MMD2: variants seen among roughly 807,000 people sequenced by gnomAD.
MMD2 encodes monocyte to macrophage differentiation associated 2, also known as monocyte to macrophage differentiation factor 2.
MMD2 carries 30 observed loss-of-function variants against 33.5 expected under a neutral mutation model. The observed-to-expected ratio is 0.90, with a 90% confidence interval of 0.67 to 1.22. The LOEUF (loss-of-function observed/expected upper bound fraction) is 1.22, where lower values mean the gene tolerates loss of function less well. Ranked by LOEUF, MMD2 falls within the 50% of genes most tolerant of loss-of-function variation. The pLI is 0.00. For synonymous variants in MMD2, 129 were observed against 123.0 expected (o/e 1.05, Z -0.32); for missense variants, 364 against 325.4 (o/e 1.12, Z -0.91).
intron 4 of MMD2, among the ~76,000 whole-genome samples, chr7:4,912,120 T>A (rs573785792): frequency 6.6e-6 from 1 of 151,604 alleles, no homozygotes; most frequent in African/African-American, 2.4e-5. Flanking sequence ...AAATTAAAAA[T>A]AATAATAATT....
chr7:4,897,056 C>T, the MMD2 span, among the ~76,000 whole-genome samples: 3 of 151,786 alleles, frequency 2.0e-5, no homozygotes, highest in African/African-American at 7.3e-5. Flanking sequence ...GACGGGGTTT[C>T]GCCATGTTGA....
chr7:4,899,278 C>G, the MMD2 span, among the ~76,000 whole-genome samples: 3 of 152,246 alleles, frequency 2.0e-5, no homozygotes, highest in African/African-American at 7.2e-5. Flanking sequence ...TTTGTTATAG[C>G]AGCCAAAATA....
Position 4,948,716 on chromosome 7 carries a change from G to A in MMD2, c.47+10255C>T, listed in dbSNP as rs144976090. 2.1e-4 allele frequency among the ~76,000 whole-genome samples: 32 copies of A among 152,274 alleles called. No homozygotes were observed. In the East Asian group the frequency reaches 6.2e-3, roughly 29 times the overall value. On this transcript the variant is annotated intron_variant, in intron 1 of 6. Transcript: ENST00000401401. ...ATAAGAAGTCTGCCATCTACCACCTGGGAACAAATCTGACTGTGCTGACAC... is the reference window on the plus strand; with the variant it reads ...ATAAGAAGTCTGCCATCTACCACCTAGGAACAAATCTGACTGTGCTGACAC...
rs779779892 is a variant in MMD2, at chr7:4,920,161, C to T, written c.290+10G>A. 7.7e-6 allele frequency: 12 copies of T among 1,554,904 alleles called. No homozygotes were observed. The highest frequency in any genetic ancestry group is 2.0e-5 in the Admixed American group (1 of 51,244). ...CTACCCGGCATGGGTCCCCTCTGGGCGGGAGGCACCTGAGGTGGCTCTTCT... is the reference window on the plus strand; with the variant it reads ...CTACCCGGCATGGGTCCCCTCTGGGTGGGAGGCACCTGAGGTGGCTCTTCT... On this transcript the variant is annotated intron_variant, in intron 3 of 6. Transcript: ENST00000401401.
At chr7:4,897,003 G>A in the MMD2 span, among the ~76,000 whole-genome samples, 6 of 152,002 alleles carry the variant, frequency 3.9e-5, no homozygotes, top group African/African-American at 1.4e-4. Flanking sequence ...GGGATTACAG[G>A]CACCCACAAC....
At chr7:4,936,439 A>C (rs1785743737) in intron 1 of MMD2, among the ~76,000 whole-genome samples, 1 of 152,036 alleles carries the variant, frequency 6.6e-6, no homozygotes, top group Admixed American at 6.6e-5. Context: ...TATTTTTTTA[A>C]TTTTTAGGAT....
chr7:4,915,923 T>C (rs955777856), intron 4 of MMD2, 82 bp downstream of exon 4: 32 of 1,427,328 alleles, frequency 2.2e-5, no homozygotes, highest in Non-Finnish European at 2.5e-5. Context: ...GTCAACACAT[T>C]ACCCAGCCAA....
At chr7:4,893,364 T>TTTTATTTATTTATTTA in the MMD2 span, among the ~76,000 whole-genome samples, 17 of 142,978 alleles carry the variant, frequency 1.2e-4, no homozygotes, top group South Asian at 2.3e-4. Context: ...TGGTTATTTC[T>TTTTATTTATTTATTTA]TTTATTTATT....
At chr7:4,936,214 TA>T (rs1554272450) in intron 1 of MMD2, among the ~76,000 whole-genome samples, 1 of 148,004 alleles carries the variant, frequency 6.8e-6, no homozygotes, top group Non-Finnish European at 1.5e-5. Context: ...AAAAAAAATG[TA>T]AAGTGTAACC....
intron 4 of MMD2, among the ~76,000 whole-genome samples, chr7:4,912,596 G>A (rs1477276714): frequency 6.6e-6 from 1 of 151,138 alleles, no homozygotes; most frequent in East Asian, 1.9e-4. Flanking sequence ...TCAATGCACA[G>A]AAAAAGATCT....
At chr7:4,927,536 A>C (rs563952892) in intron 1 of MMD2, among the ~76,000 whole-genome samples, 12 of 151,944 alleles carry the variant, frequency 7.9e-5, no homozygotes, top group Non-Finnish European at 1.8e-4. Context: ...GTGAGACTCC[A>C]TTTCAAAAAT....
chr7:4,895,995 C>T, the MMD2 span, among the ~76,000 whole-genome samples: 4 of 152,188 alleles, frequency 2.6e-5, no homozygotes, highest in East Asian at 1.9e-4. Flanking sequence ...TCCTTCCTGA[C>T]GAAGCCTAGT....
intron 1 of MMD2, among the ~76,000 whole-genome samples, chr7:4,953,695 T>C (rs1786311282): frequency 1.3e-5 from 2 of 152,066 alleles, no homozygotes; most frequent in African/African-American, 2.4e-5. Context: ...GGTCTCGAAC[T>C]CCTGACCTCA....
chr7:4,908,977 A>T (rs1784937790), intron 6 of MMD2, among the ~76,000 whole-genome samples: 1 of 151,922 alleles, frequency 6.6e-6, no homozygotes, highest in Non-Finnish European at 1.5e-5. Flanking sequence ...GATGGTGGTG[A>T]TGGACGCACG....
chr7:4,915,608 C>T (rs1028148947), intron 4 of MMD2, among the ~76,000 whole-genome samples: 2 of 151,858 alleles, frequency 1.3e-5, no homozygotes, highest in South Asian at 2.1e-4. Context: ...GGCGTGGTGG[C>T]GCGTGCCTGT....
chr7:4,901,042 AG>A (rs1199438353), downstream of MMD2, among the ~76,000 whole-genome samples: 4 of 152,068 alleles, frequency 2.6e-5, no homozygotes, highest in African/African-American at 9.7e-5. Flanking sequence ...CGGGAGGCTG[AG>A]GCACAAGAAT....
At chr7:4,927,957 C>T (rs1785475918) in intron 1 of MMD2, among the ~76,000 whole-genome samples, 1 of 152,076 alleles carries the variant, frequency 6.6e-6, no homozygotes, top group South Asian at 2.1e-4. Context: ...AGTCTGTGCT[C>T]GGGGACTTAG....
At chr7:4,930,996 G>A (rs1401214935) in intron 1 of MMD2, among the ~76,000 whole-genome samples, 2 of 151,874 alleles carry the variant, frequency 1.3e-5, no homozygotes, top group African/African-American at 2.4e-5. Flanking sequence ...AATTACAGGC[G>A]CCCGCCACCA....
Position 4,920,307 on chromosome 7 carries a change from C to A in MMD2, c.154G>T (p.Gly52Cys). 6.2e-7 allele frequency: 1 copy of A among 1,609,198 alleles called. No individual in the cohort carries two copies. The highest frequency in any genetic ancestry group is 1.7e-5 in the Admixed American group (1 of 59,264). The change falls in exon 3 of 7, where the codon GGC becomes TGC. Residue 52 changes from glycine (G) to cysteine (C), a missense_variant. Coordinates refer to ENST00000401401, the MANE Select transcript of MMD2 (RefSeq NM_198403.4). ...GACAGGAAGTAGAGGTTGGAGCTGC[C>A]CAGGATGCTGGGGATGATCCAGAAC... The part of the protein sequence containing the change: ...HAFWIIPSIL[G>C]SSNLYFLSDD...
Sources: allele counts gnomAD v4.1 joint callset (sites outside exome capture counted in the v4.1 genomes callset), GRCh38; gene constraint gnomAD v4.1.1; transcripts MANE v1.5; gene names NCBI Gene and HGNC (gene_info 2026-07-23, HGNC 2026-07-21).